DHTKD1: variants seen among roughly 807,000 people sequenced by gnomAD.
DHTKD1 encodes the protein dehydrogenase E1 and transketolase domain containing 1, also known as 2-oxoadipate dehydrogenase complex component E1.
A neutral mutation model predicts 101.8 loss-of-function variants in DHTKD1; 78 were observed. The observed-to-expected ratio is 0.77, with a 90% CI of 0.64 to 0.93. The LOEUF is 0.93. Ranked by LOEUF, DHTKD1 falls within the 40% of genes least tolerant of loss-of-function variation. The pLI is 0.00. For synonymous variants in DHTKD1, 462 were observed against 450.3 expected, an observed-to-expected ratio of 1.03 and a Z score of -0.33; for missense variants, 1,223 against 1,161.7, an observed-to-expected ratio of 1.05 and a Z score of -0.77.
At position 12,084,760 on chromosome 10, in the gene DHTKD1, G is replaced by T. The variant is rs779046821; in HGVS notation, c.522+9G>T. ...TAATGCTGGAATCTCAGGTAAAAAG[G>T]AGCATCTAGGCCGGGCACGGTGGCT... On this transcript the variant is annotated intron_variant, in intron 3 of 16. Coordinates refer to ENST00000263035, the MANE Select transcript of DHTKD1 (RefSeq NM_018706.7). 32 of 1,613,296 alleles carry T rather than the reference G, an allele frequency of 2.0e-5. No homozygotes were observed. The highest frequency in any genetic ancestry group is 2.7e-5 in the Non-Finnish European group (32 of 1,179,590).
intron 1 of DHTKD1, among the ~76,000 whole-genome samples, chr10:12,075,309 G>C (rs907241617): frequency 6.6e-6 from 1 of 152,110 alleles, no homozygotes; most frequent in African/African-American, 2.4e-5. Context: ...CCTCCAAGTA[G>C]CTGGGGTTGC....
Position 12,106,325 on chromosome 10 carries a change from C to A in DHTKD1, c.1976C>A (p.Pro659His). Reference sequence around the variant, plus strand: ...AGCATTGAGAGCCCAAAGTTACTGCCCCTGTGGGAGGCACAGTTTGGCGAT... The same window carrying A: ...AGCATTGAGAGCCCAAAGTTACTGCACCTGTGGGAGGCACAGTTTGGCGAT... ...GMSIESPKLLPLWEAQFGDFF... is the reference protein window; with the variant it reads ...GMSIESPKLLHLWEAQFGDFF... The change falls in exon 11 of 17, where the codon CCC becomes CAC. Residue 659 changes from proline (P) to histidine (H), a missense_variant. Transcript: ENST00000263035. 1 of 1,614,102 alleles carries A rather than the reference C, an allele frequency of 6.2e-7. No homozygotes were observed. The highest frequency in any genetic ancestry group is 8.5e-7 in the Non-Finnish European group (1 of 1,180,004).
intron 15 of DHTKD1, 39 bp downstream of exon 15, chr10:12,118,957 A>G: frequency 6.9e-7 from 1 of 1,448,674 alleles, no homozygotes; most frequent in Non-Finnish European, 9.2e-7. Context: ...ATGTTCAGAT[A>G]CCCAAAACCC....
Position 12,113,991 on chromosome 10 carries a change from A to G in DHTKD1, c.2319+927A>G, listed in dbSNP as rs867613559. 2.0e-5 allele frequency among the ~76,000 whole-genome samples: 3 copies of G among 151,890 alleles called. No homozygotes were observed. In the Middle Eastern group the frequency reaches 0.01, roughly 520 times the overall value. On this transcript the variant is annotated intron_variant, in intron 13 of 16. Coordinates refer to ENST00000263035, the MANE Select transcript of DHTKD1 (RefSeq NM_018706.7). Reference sequence around the variant, plus strand: ...TTTTTTTGATAGCAGCAATTTGGGAATTCAAAGTATTTTGTTGAAAATGAG... The same window carrying G: ...TTTTTTTGATAGCAGCAATTTGGGAGTTCAAAGTATTTTGTTGAAAATGAG...
intron 7 of DHTKD1, among the ~76,000 whole-genome samples, chr10:12,095,272 C>T (rs1833049736): frequency 6.6e-6 from 1 of 152,180 alleles, no homozygotes; most frequent in African/African-American, 2.4e-5. Flanking sequence ...AAGGATAATA[C>T]ACACACCATA....
In DHTKD1 at chr10:12,097,860, TGGC is replaced by T. The variant is rs754795650; in HGVS notation, c.1536_1538del (p.Ala513del). The T allele has an allele frequency of 6.2e-7, 1 of 1,614,220 alleles. No homozygotes were observed. Among genetic ancestry groups the T allele is most frequent in the Non-Finnish European group, 8.5e-7 (1 of 1,180,034 alleles). On this transcript the variant is annotated inframe_deletion, in exon 8 of 17. Coordinates refer to ENST00000263035, the MANE Select transcript of DHTKD1 (RefSeq NM_018706.7). ...AACCTGCAGGCCCACTGGCAGGGCCTGGCTCAGCCAGAAGCGCAAATCACCACC... is the reference window on the plus strand; with the variant it reads ...AACCTGCAGGCCCACTGGCAGGGCCTTCAGCCAGAAGCGCAAATCACCACC...
chr10:12,120,970 A>G lies in DHTKD1; in HGVS notation c.*82A>G. ...TGGGGTGGCACATGCCTGTAATCCC[A>G]GCACTTTGGGAGGCCAAGGCTGGTG... On this transcript the variant is annotated 3_prime_UTR_variant, in exon 17 of 17. Transcript: ENST00000263035. The G allele has an allele frequency of 1.5e-6, 2 of 1,327,342 alleles. No homozygotes were observed. Among genetic ancestry groups the G allele is most frequent in the Non-Finnish European group, 2.1e-6 (2 of 951,314 alleles). 82.2% of individuals were successfully genotyped at this position (1,327,342 alleles called of 1,614,324 possible). A position where few individuals can be genotyped will look rare whatever the true frequency, so the allele number is the denominator to read the frequency against.
intron 4 of DHTKD1, among the ~76,000 whole-genome samples, chr10:12,088,709 T>TG (rs1430843713): frequency 2.6e-5 from 4 of 151,956 alleles, no homozygotes; most frequent in African/African-American, 4.8e-5. Context: ...TCAGCCTCTC[T>TG]ACTAGCTGGG....
At chr10:12,074,985 G>C (rs371252786) in intron 1 of DHTKD1, among the ~76,000 whole-genome samples, 3 of 152,012 alleles carry the variant, frequency 2.0e-5, no homozygotes, top group African/African-American at 7.2e-5. Flanking sequence ...AATTAGCCGG[G>C]TGTGGTCGCA....
At chr10:12,088,366 G>C (rs1832935098) in intron 4 of DHTKD1, among the ~76,000 whole-genome samples, 1 of 151,792 alleles carries the variant, frequency 6.6e-6, no homozygotes, top group South Asian at 2.1e-4. Flanking sequence ...CAGCTACTTG[G>C]GAGGCTGGGA....
At position 12,120,356 on chromosome 10, in the gene DHTKD1, C is replaced by T. The variant is rs1833506026; in HGVS notation, c.2658+89C>T. ...CTTTCTTTCTTTTTTTTTTTTGAGA[C>T]AGAGTCTCACTCTGTTGCCCAGGCT... is the stretch of plus-strand genomic sequence containing the variant. On this transcript the variant is annotated intron_variant, in intron 16 of 16. Coordinates refer to ENST00000263035, the MANE Select transcript of DHTKD1 (RefSeq NM_018706.7). 5.4e-6 allele frequency: 6 copies of T among 1,114,538 alleles called. No homozygotes were observed. In the South Asian group the frequency reaches 5.4e-5, roughly 10 times the overall value. 69.0% of individuals were successfully genotyped at this position (1,114,538 alleles called of 1,614,324 possible). A position where few individuals can be genotyped will look rare whatever the true frequency, so the allele number is the denominator to read the frequency against.
chr10:12,083,461 G>T (rs1832853267), intron 2 of DHTKD1, among the ~76,000 whole-genome samples: 11 of 152,324 alleles, frequency 7.2e-5, no homozygotes, highest in Admixed American at 2.0e-4. Flanking sequence ...GGGGCCGGGT[G>T]TGGTGGCTTA....
At position 12,068,981 on chromosome 10, in the gene DHTKD1, T is replaced by C. The variant is rs1832605430; in HGVS notation, c.-53T>C. On this transcript the variant is annotated 5_prime_UTR_variant, in exon 1 of 17. Coordinates refer to ENST00000263035, the MANE Select transcript of DHTKD1 (RefSeq NM_018706.7). ...CGAGTCCCGGATTTACCAGGGCCGG[T>C]GGGATCCCCTCGGGCTCCCGCCTTA... 5.0e-6 allele frequency: 8 copies of C among 1,601,308 alleles called. No homozygotes were observed. The South Asian group carries it at 7.8e-5, about 16-fold the overall frequency.
In DHTKD1 at chr10:12,101,198, G is replaced by A; in HGVS notation, c.1896+17G>A. The A allele has an allele frequency of 6.2e-7, 1 of 1,601,540 alleles. No homozygotes were observed. Among genetic ancestry groups the A allele is most frequent in the South Asian group, 1.1e-5 (1 of 88,272 alleles). ...TTTCTAGAGGTGAGATGTTTCTATA[G>A]CTGTTGTAAAATCCAGGTGCCAACG... On this transcript the variant is annotated intron_variant, in intron 10 of 16. Transcript: ENST00000263035.
intron 6 of DHTKD1, among the ~76,000 whole-genome samples, chr10:12,092,933 A>G (rs765958355): frequency 7.9e-5 from 12 of 152,078 alleles, no homozygotes; most frequent in East Asian, 3.8e-4. Flanking sequence ...ACTGGAGTGC[A>G]GTGGTACAAT....
At chr10:12,092,172 C>T (rs530281294) in intron 6 of DHTKD1, among the ~76,000 whole-genome samples, 23 of 151,982 alleles carry the variant, frequency 1.5e-4, no homozygotes, top group African/African-American at 5.1e-4. Context: ...TTAGTAGAGA[C>T]GGGGTTTCAC....
intron 10 of DHTKD1, among the ~76,000 whole-genome samples, chr10:12,105,619 A>G (rs1490190870): frequency 1.3e-5 from 2 of 152,102 alleles, no homozygotes; most frequent in Admixed American, 6.6e-5. Context: ...AGGTTTTTGA[A>G]AAGCTTATAA....
rs71382683 is a variant in DHTKD1, at chr10:12,117,304, CTTTTTTTTTTTTT to C, written c.2320-357_2320-345del. ...GGATTACAGGCATGAGCCACGGCACCTTTTTTTTTTTTTTTTTTTTTTTTAATAGAGGCAAGGC... is the reference window on the plus strand; with the variant it reads ...GGATTACAGGCATGAGCCACGGCACCTTTTTTTTTTTAATAGAGGCAAGGC... On this transcript the variant is annotated intron_variant, in intron 13 of 16. Coordinates refer to ENST00000263035, the MANE Select transcript of DHTKD1 (RefSeq NM_018706.7). Among the ~76,000 whole-genome samples the C allele has an allele frequency of 1.5e-4, 11 of 71,574 alleles. No homozygotes were observed. The South Asian group carries it at 7.5e-3, about 48-fold the overall frequency. The allele number at this position is 71,574 out of a possible 152,430, so 47.0% of individuals were successfully genotyped here.
intron 7 of DHTKD1, among the ~76,000 whole-genome samples, chr10:12,095,815 A>AAAG (rs1356329154): frequency 2.7e-5 from 2 of 75,368 alleles, no homozygotes; most frequent in African/African-American, 1.2e-4. Context: ...TCCGTCTCAA[A>AAAG]AAAAAAAAAA....
Sources: gnomAD v4.1 joint callset for allele counts (sites outside exome capture counted in the v4.1 genomes callset) on GRCh38, gnomAD v4.1.1 for gene constraint, MANE v1.5 for transcripts, NCBI Gene and HGNC (gene_info 2026-07-23, HGNC 2026-07-21) for gene names.